ALCAM: variants seen among roughly 807,000 people sequenced by gnomAD.
The protein encoded by ALCAM is activated leukocyte cell adhesion molecule.
A neutral mutation model predicts 70.9 loss-of-function variants in ALCAM; 30 were observed. That is an observed-to-expected ratio of 0.42 (90% CI 0.32 to 0.57). The LOEUF is 0.57. Ranked by LOEUF, ALCAM falls within the 20% of genes least tolerant of loss-of-function variation. The pLI is 0.11. For synonymous variants in ALCAM, 249 were observed against 242.5 expected, an observed-to-expected ratio of 1.03 and a Z score of -0.25; for missense variants, 591 against 695.1, an observed-to-expected ratio of 0.85 and a Z score of 1.68.
At position 105,534,733 on chromosome 3, in the gene ALCAM, G is replaced by A; in HGVS notation, c.618G>A (p.Glu206=). 1.9e-6 allele frequency: 3 copies of A among 1,613,770 alleles called. No individual in the cohort carries two copies. The highest frequency in any genetic ancestry group is 2.5e-6 in the Non-Finnish European group (3 of 1,179,796). Residue 206 remains glutamate (E), a synonymous_variant, in exon 6 of 16, where the codon GAG becomes GAA. Coordinates refer to ENST00000306107, the MANE Select transcript of ALCAM (RefSeq NM_001627.4). ...TCTATACCATGACTTCCACCCTGGAGTACAAGACAACCAAGGCTGACATAC... is the reference window on the plus strand; with the variant it reads ...TCTATACCATGACTTCCACCCTGGAATACAAGACAACCAAGGCTGACATAC... ...TQLYTMTSTL[E]YKTTKADIQM...
chr3:105,509,061 T>A (rs1939162648), intron 1 of ALCAM, among the ~76,000 whole-genome samples: 1 of 152,172 alleles, frequency 6.6e-6, no homozygotes, highest in East Asian at 1.9e-4. Context: ...TTGTTGAGGC[T>A]GAGTAATATT....
chr3:105,515,159 G>A (rs1414619177), intron 1 of ALCAM, among the ~76,000 whole-genome samples: 2 of 151,840 alleles, frequency 1.3e-5, no homozygotes, highest in African/African-American at 4.8e-5. Context: ...TATGGGAGAA[G>A]CTGAGAGATA....
intron 1 of ALCAM, among the ~76,000 whole-genome samples, chr3:105,394,205 TTAAAG>T (rs1935892687): frequency 6.6e-6 from 1 of 151,936 alleles, no homozygotes; most frequent in Non-Finnish European, 1.5e-5. Context: ...ACAAAATAAT[TTAAAG>T]TAATCGGTTA....
At chr3:105,545,471 G>A (rs576786531) in intron 9 of ALCAM, 136 bp downstream of exon 9, 1 of 580,476 alleles carries the variant, frequency 1.7e-6, no homozygotes, top group East Asian at 3.0e-5. Context: ...CTCTGTTTCT[G>A]ATAAGAGAAA....
At chr3:105,483,630 G>A (rs562529664) in intron 1 of ALCAM, among the ~76,000 whole-genome samples, 1 of 152,114 alleles carries the variant, frequency 6.6e-6, no homozygotes, top group Non-Finnish European at 1.5e-5. Context: ...CTAGATCATA[G>A]GAGTGTTGCC....
chr3:105,449,296 T>C (rs1189958127), intron 1 of ALCAM, among the ~76,000 whole-genome samples: 1 of 152,196 alleles, frequency 6.6e-6, no homozygotes, highest in Non-Finnish European at 1.5e-5. Flanking sequence ...GTGAATTTTT[T>C]CACAGTTTTG....
intron 1 of ALCAM, among the ~76,000 whole-genome samples, chr3:105,500,116 A>C (rs1279881821): frequency 1.3e-5 from 2 of 152,026 alleles, no homozygotes; most frequent in African/African-American, 4.8e-5. Flanking sequence ...CATATCAGTT[A>C]ATGTCTCCCA....
intron 1 of ALCAM, among the ~76,000 whole-genome samples, chr3:105,468,614 A>G (rs1224390727): frequency 6.6e-6 from 1 of 151,276 alleles, no homozygotes; most frequent in Non-Finnish European, 1.5e-5. Context: ...GGTTGCTGGT[A>G]TAATGTACTT....
chr3:105,547,029 A>G (rs1470396029), intron 9 of ALCAM, 120 bp from the exon 10 acceptor site: 12 of 831,148 alleles, frequency 1.4e-5, no homozygotes, highest in Non-Finnish European at 2.1e-5. Context: ...GAAGTTAAGA[A>G]AAAGAAGTTT....
chr3:105,534,613 G>T, intron 5 of ALCAM, 50 bp from the exon 6 acceptor site: 3 of 1,551,236 alleles, frequency 1.9e-6, no homozygotes, highest in Non-Finnish European at 1.8e-6. Context: ...GTTAAGGATT[G>T]TGATTGTCAG....
chr3:105,542,733 T>G (rs1373767378), intron 8 of ALCAM, among the ~76,000 whole-genome samples: 1 of 151,764 alleles, frequency 6.6e-6, no homozygotes, highest in Non-Finnish European at 1.5e-5. Context: ...GCTAAATTTT[T>G]GAGAGAGATA....
chr3:105,532,445 A>G (rs1939862403), intron 4 of ALCAM, among the ~76,000 whole-genome samples: 1 of 152,118 alleles, frequency 6.6e-6, no homozygotes, highest in South Asian at 2.1e-4. Flanking sequence ...TATAAAAAAT[A>G]TTTAAAAGTT....
chr3:105,373,840 A>G (rs545029821), intron 1 of ALCAM, among the ~76,000 whole-genome samples: 1 of 152,292 alleles, frequency 6.6e-6, no homozygotes, highest in South Asian at 2.1e-4. Context: ...TAAACTCCAT[A>G]TGGCAGCACC....
At chr3:105,549,181 A>G (rs1160347400) in intron 11 of ALCAM, among the ~76,000 whole-genome samples, 1 of 151,446 alleles carries the variant, frequency 6.6e-6, no homozygotes, top group African/African-American at 2.4e-5. Flanking sequence ...ATTCTGGCCC[A>G]CTGGGTGATA....
At chr3:105,553,283 T>G (rs1377022679) in intron 14 of ALCAM, 2 of 220,714 alleles carry the variant, frequency 9.1e-6, no homozygotes, top group Admixed American at 6.5e-5. Context: ...CACACATGTC[T>G]TATACTTCTC....
chr3:105,552,390 C>A, intron 13 of ALCAM, 78 bp from the exon 14 acceptor site: 1 of 1,458,314 alleles, frequency 6.9e-7, no homozygotes, highest in East Asian at 2.3e-5. Flanking sequence ...ATTTTTAATA[C>A]AAAGTAATAG....
chr3:105,471,121 G>A (rs1576185008), intron 1 of ALCAM, among the ~76,000 whole-genome samples: 1 of 151,354 alleles, frequency 6.6e-6, no homozygotes, highest in South Asian at 2.1e-4. Flanking sequence ...TCTTATACAT[G>A]TAGGTCAACT....
chr3:105,451,435 G>A (rs970399533), intron 1 of ALCAM, among the ~76,000 whole-genome samples: 8 of 152,036 alleles, frequency 5.3e-5, no homozygotes, highest in Admixed American at 2.0e-4. Context: ...CCCTCAGACC[G>A]CATAGAAACA....
At chr3:105,395,934 A>G (rs1935939823) in intron 1 of ALCAM, among the ~76,000 whole-genome samples, 1 of 151,930 alleles carries the variant, frequency 6.6e-6, no homozygotes, top group South Asian at 2.1e-4. Context: ...TAGTTTGCCT[A>G]GTTCTGAATT....
Sources: allele counts gnomAD v4.1 joint callset (sites outside exome capture counted in the v4.1 genomes callset), GRCh38; gene constraint gnomAD v4.1.1; transcripts MANE v1.5; gene names NCBI Gene and HGNC (gene_info 2026-07-23, HGNC 2026-07-21).